Variants in RNGTT observed in about 807,000 individuals in gnomAD.
The protein encoded by RNGTT is RNA guanylyltransferase and 5'-phosphatase.
Under a neutral mutation model 79.3 loss-of-function variants are expected in RNGTT, and 33 were observed. The observed-to-expected ratio is 0.42, with a 90% CI of 0.32 to 0.56. RNGTT has a LOEUF of 0.56. RNGTT is among the 20% of genes least tolerant of loss of function. The probability of loss-of-function intolerance (pLI) is 0.17; values close to 1 mark genes in which losing one functional copy is unlikely to be tolerated. For synonymous variants in RNGTT, 222 were observed against 235.9 expected, an observed-to-expected ratio of 0.94 and a Z score of 0.54; for missense variants, 497 against 739.1, an observed-to-expected ratio of 0.67 and a Z score of 3.80.
chr6:88,634,197 A>G (rs1432407133), intron 14 of RNGTT, among the ~76,000 whole-genome samples: 1 of 152,192 alleles, frequency 6.6e-6, no homozygotes, highest in Non-Finnish European at 1.5e-5. Flanking sequence ...GGTTTTATAA[A>G]TATTAACTCT....
intron 13 of RNGTT, among the ~76,000 whole-genome samples, chr6:88,742,116 A>T (rs1220574762): frequency 6.6e-6 from 1 of 152,228 alleles, no homozygotes; most frequent in Non-Finnish European, 1.5e-5. Flanking sequence ...TTCTATGGGC[A>T]TATGGTGTAA....
intron 13 of RNGTT, among the ~76,000 whole-genome samples, chr6:88,764,213 T>C (rs1489456832): frequency 6.6e-6 from 1 of 152,218 alleles, no homozygotes; most frequent in Non-Finnish European, 1.5e-5. Context: ...GACTTTTTCA[T>C]CTCTTCAGTT....
intron 14 of RNGTT, 43 bp downstream of exon 14, chr6:88,678,310 A>G: frequency 1.3e-6 from 2 of 1,583,560 alleles, no homozygotes; most frequent in African/African-American, 1.3e-5. Flanking sequence ...ATTCTAGATA[A>G]GAGAACATCC....
chr6:88,874,031 A>C (rs1782436869), intron 8 of RNGTT, among the ~76,000 whole-genome samples: 1 of 152,166 alleles, frequency 6.6e-6, no homozygotes. Flanking sequence ...TCTGTATATA[A>C]GAAGCCTCTC....
chr6:88,745,641 C>T (rs995867279), intron 13 of RNGTT, among the ~76,000 whole-genome samples: 1 of 151,922 alleles, frequency 6.6e-6, no homozygotes, highest in Non-Finnish European at 1.5e-5. Context: ...AGAAGAGTGC[C>T]GGTCTAAATA....
At position 88,963,455 on chromosome 6, in the gene RNGTT, C is replaced by A; in HGVS notation, c.-46G>T. On this transcript the variant is annotated 5_prime_UTR_variant, in exon 1 of 16. Coordinates refer to ENST00000369485, the MANE Select transcript of RNGTT (RefSeq NM_003800.5). ...TGCCCTCCCTCACCAACGTTCACCG[C>A]GCCTTTGGAGCCGCCTCCCCGTGGT... 1 of 1,503,194 alleles carries A rather than the reference C, an allele frequency of 6.7e-7. No homozygotes were observed. The highest frequency in any genetic ancestry group is 8.9e-7 in the Non-Finnish European group (1 of 1,121,522). 93.1% of individuals were successfully genotyped at this position (1,503,194 alleles called of 1,614,324 possible).
intron 13 of RNGTT, among the ~76,000 whole-genome samples, chr6:88,763,107 T>A (rs1283657915): frequency 6.9e-5 from 9 of 129,778 alleles, no homozygotes; most frequent in Non-Finnish European, 1.4e-4. Flanking sequence ...TTTTTTTTTT[T>A]TTTTTTGTAT....
chr6:88,904,832 C>T lies in RNGTT; in HGVS notation c.567G>A (p.Leu189=). The T allele has an allele frequency of 3.1e-6, 5 of 1,614,122 alleles. No homozygotes were observed. The highest frequency in any genetic ancestry group is 2.2e-5 in the East Asian group (1 of 44,866). ...CATCATCCTCAAAACACCAATCTGGCAATAGAGGTGGGGGTGGTGCTTCCT... is the reference window on the plus strand; with the variant it reads ...CATCATCCTCAAAACACCAATCTGGTAATAGAGGTGGGGGTGGTGCTTCCT... ...DIEEAPPPPL[L]PDWCFEDDED... Residue 189 remains leucine (L), a synonymous_variant, in exon 6 of 16, where the codon TTG becomes TTA. Coordinates refer to ENST00000369485, the MANE Select transcript of RNGTT (RefSeq NM_003800.5).
intron 12 of RNGTT, among the ~76,000 whole-genome samples, chr6:88,775,174 A>G (rs1328900493): frequency 1.3e-5 from 2 of 152,208 alleles, no homozygotes; most frequent in Non-Finnish European, 2.9e-5. Flanking sequence ...CAGTGAAATG[A>G]TTACTATGGT....
chr6:88,916,619 T>C (rs561470690), intron 4 of RNGTT, among the ~76,000 whole-genome samples: 3 of 152,230 alleles, frequency 2.0e-5, no homozygotes, highest in Non-Finnish European at 4.4e-5. Context: ...AATCCAAATA[T>C]TTGTGTTCAT....
intron 14 of RNGTT, among the ~76,000 whole-genome samples, chr6:88,646,891 T>G (rs903910389): frequency 6.6e-6 from 1 of 151,958 alleles, no homozygotes; most frequent in African/African-American, 2.4e-5. Context: ...ATACCTAATG[T>G]AAATGAGGAG....
At position 88,612,732 on chromosome 6, in the gene RNGTT, C is replaced by T. The variant is rs17856595; in HGVS notation, c.1781G>A (p.Arg594His). 3.0e-5 allele frequency: 48 copies of T among 1,606,840 alleles called. No individual in the cohort carries two copies. Among genetic ancestry groups the T allele is most frequent in the African/African-American group, 1.3e-4 (10 of 74,622 alleles). Residue 594 changes from arginine to histidine, a missense_variant, in exon 16 of 16, where the codon CGC becomes CAC. Arg to His is a conservative substitution (Grantham distance 29). Coordinates refer to ENST00000369485, the MANE Select transcript of RNGTT (RefSeq NM_003800.5). The stretch of plus-strand genomic sequence containing the variant: ...CACAGGCAGGTCTTAGGTTAAAGGG[C>T]GTGGTCTTTTGGGAGGTGGTGGTGG... ...LMPPPPPKRP[R>H]PLT is the part of the protein sequence containing the mutation.
intron 14 of RNGTT, among the ~76,000 whole-genome samples, chr6:88,628,802 A>G (rs943948307): frequency 1.1e-4 from 16 of 152,176 alleles, no homozygotes; most frequent in African/African-American, 3.9e-4. Context: ...GGGAAATTCA[A>G]CACACTAGAG....
At chr6:88,615,776 A>G (rs1185640343) in intron 14 of RNGTT, among the ~76,000 whole-genome samples, 3 of 152,210 alleles carry the variant, frequency 2.0e-5, no homozygotes, top group Admixed American at 2.0e-4. Flanking sequence ...TCACTGAAAG[A>G]ATAATAATTG....
At chr6:88,917,022 G>C (rs1784021415) in intron 4 of RNGTT, among the ~76,000 whole-genome samples, 2 of 152,272 alleles carry the variant, frequency 1.3e-5, no homozygotes, top group Admixed American at 1.3e-4. Context: ...GAGTAATGGT[G>C]GGGATCCACC....
At chr6:88,662,581 A>G (rs1049095512) in intron 14 of RNGTT, among the ~76,000 whole-genome samples, 1 of 152,196 alleles carries the variant, frequency 6.6e-6, no homozygotes, top group Non-Finnish European at 1.5e-5. Flanking sequence ...GTCTGCAACC[A>G]TTCCTGCTAC....
Position 88,951,941 on chromosome 6 carries a change from G to A in RNGTT, c.65-10761C>T, listed in dbSNP as rs879315247. On this transcript the variant is annotated intron_variant, in intron 1 of 15. Coordinates refer to ENST00000369485, the MANE Select transcript of RNGTT (RefSeq NM_003800.5). ...CTTAAGCAGAATCCAGGGAATGAAC[G>A]GGAACTGCTGCAGATATGAGCACAA... 9.2e-5 allele frequency among the ~76,000 whole-genome samples: 14 copies of A among 152,226 alleles called. 1 individual carries two copies. In the South Asian group the frequency reaches 1.2e-3, roughly 14 times the overall value.
chr6:88,868,507 A>G (rs1247671469), intron 8 of RNGTT, among the ~76,000 whole-genome samples: 4 of 152,094 alleles, frequency 2.6e-5, no homozygotes, highest in Non-Finnish European at 5.9e-5. Context: ...GGCTGTTTCT[A>G]CCTCATGACT....
chr6:88,801,844 C>T (rs1779797400), intron 11 of RNGTT, among the ~76,000 whole-genome samples: 1 of 151,522 alleles, frequency 6.6e-6, no homozygotes, highest in Non-Finnish European at 1.5e-5. Flanking sequence ...CACACACACA[C>T]ACACACACAC....
Sources: allele counts gnomAD v4.1 joint callset (sites outside exome capture counted in the v4.1 genomes callset), GRCh38; gene constraint gnomAD v4.1.1; transcripts MANE v1.5; gene names NCBI Gene and HGNC (gene_info 2026-07-23, HGNC 2026-07-21).